GALNT3: variants seen among roughly 807,000 people sequenced by gnomAD.
GALNT3 encodes the protein polypeptide N-acetylgalactosaminyltransferase 3, also known as GalNAc transferase 3.
A neutral mutation model predicts 69.8 loss-of-function variants in GALNT3; 51 were observed. That is an observed-to-expected ratio of 0.73 (90% confidence interval 0.58 to 0.92). The LOEUF is 0.92. Ranked by LOEUF, GALNT3 falls within the 40% of genes least tolerant of loss-of-function variation. The pLI, the probability that GALNT3 is intolerant of heterozygous loss-of-function variation, is 0.00. For synonymous variants in GALNT3, 265 were observed against 248.5 expected (o/e 1.07, Z -0.63); for missense variants, 711 against 760.0 (o/e 0.94, Z 0.76).
chr2:165,781,182 G>T, intron 1 of GALNT3, among the ~76,000 whole-genome samples: 1 of 152,100 alleles, frequency 6.6e-6, no homozygotes, highest in Non-Finnish European at 1.5e-5. Context: ...AGCCTGTACT[G>T]CTGGGCTTGC....
In GALNT3 at chr2:165,753,402, CTT is replaced by C. The variant is rs533037956; in HGVS notation, c.1626+1223_1626+1224del. On this transcript the variant is annotated intron_variant, in intron 9 of 10. Coordinates refer to ENST00000392701, the MANE Select transcript of GALNT3 (RefSeq NM_004482.4). Reference sequence around the variant, plus strand: ...CAGCCACCTCACTAGCTCCTACCTACTTTTTTTTTTTTTAATGTTTTCAAATA... The same window carrying C: ...CAGCCACCTCACTAGCTCCTACCTACTTTTTTTTTTTAATGTTTTCAAATA... Among the ~76,000 whole-genome samples the C allele has an allele frequency of 1.2e-4, 18 of 145,256 alleles. No homozygotes were observed. In the East Asian group the frequency reaches 2.0e-3, roughly 16 times the overall value.
At chr2:165,780,655 G>GTT (rs1230926403) in intron 1 of GALNT3, among the ~76,000 whole-genome samples, 1 of 148,786 alleles carries the variant, frequency 6.7e-6, no homozygotes, top group African/African-American at 2.5e-5. Context: ...TTTTGTTGTT[G>GTT]TTGTTGTTGT....
intron 7 of GALNT3, among the ~76,000 whole-genome samples, chr2:165,756,258 G>A (rs1408721655): frequency 6.6e-6 from 1 of 152,088 alleles, no homozygotes; most frequent in Non-Finnish European, 1.5e-5. Flanking sequence ...CCTACAAAGA[G>A]ATGAGTACTA....
rs1334534365 is a variant in GALNT3 at position 165,770,239 on chromosome 2, T to C, written c.462A>G (p.Ala154=). ...GEAKHCFNAF[A]SDRISLHRDL... ...CTCGGTGCAAAGAAATCCTGTCACTTGCGAAAGCATTAAAGCAGTGTTTAG... is the reference window on the plus strand; with the variant it reads ...CTCGGTGCAAAGAAATCCTGTCACTCGCGAAAGCATTAAAGCAGTGTTTAG... Residue 154 remains alanine, a synonymous_variant, in exon 2 of 11, where the codon GCA becomes GCG. Transcript: ENST00000392701. The C allele has an allele frequency of 6.2e-7, 1 of 1,614,094 alleles. No homozygotes were observed.
chr2:165,771,180 A>C (rs1351742486), intron 1 of GALNT3: 1 of 152,504 alleles, frequency 6.6e-6, no homozygotes, highest in Non-Finnish European at 1.5e-5. Context: ...TACAAAAAAG[A>C]GAGCTCCATA....
intron 1 of GALNT3, among the ~76,000 whole-genome samples, chr2:165,784,257 GC>G (rs1313006703): frequency 6.6e-6 from 1 of 152,110 alleles, no homozygotes; most frequent in African/African-American, 2.4e-5. Flanking sequence ...AAAGGGAGAG[GC>G]CCTGATGAGT....
chr2:165,776,291 A>T (rs1688845156), intron 1 of GALNT3, among the ~76,000 whole-genome samples: 2 of 152,196 alleles, frequency 1.3e-5, no homozygotes, highest in African/African-American at 4.8e-5. Context: ...AATCTCTCCT[A>T]CAGTCAACTT....
chr2:165,759,299 G>C, intron 5 of GALNT3, 37 bp downstream of exon 5: 2 of 1,487,760 alleles, frequency 1.3e-6, no homozygotes, highest in Non-Finnish European at 1.9e-6. Context: ...GTATGGTATA[G>C]GGTGTAAATA....
intron 2 of GALNT3, among the ~76,000 whole-genome samples, chr2:165,766,505 A>T (rs1436417578): frequency 6.6e-6 from 1 of 152,232 alleles, no homozygotes; most frequent in African/African-American, 2.4e-5. Flanking sequence ...AGATAACCAC[A>T]GTGCCAAGCC....
chr2:165,757,319 T>G (rs1688464003), intron 6 of GALNT3, 72 bp from the exon 7 acceptor site: 1 of 1,461,628 alleles, frequency 6.8e-7, no homozygotes, highest in South Asian at 1.2e-5. Flanking sequence ...TAAGTTCACC[T>G]TTAAGGTATT....
At chr2:165,765,151 A>G in intron 2 of GALNT3, 95 bp from the exon 3 acceptor site, 1 of 1,064,462 alleles carries the variant, frequency 9.4e-7, no homozygotes, top group Non-Finnish European at 1.4e-6. Context: ...TTGAATCTTT[A>G]TCACTGAAAA....
chr2:165,768,035 A>G (rs1468699637), intron 2 of GALNT3, among the ~76,000 whole-genome samples: 2 of 151,972 alleles, frequency 1.3e-5, no homozygotes, highest in Non-Finnish European at 2.9e-5. Flanking sequence ...CACCATGCCC[A>G]CCTAATTTAT....
At chr2:165,761,779 G>A (rs1166281434) in intron 4 of GALNT3, 126 bp downstream of exon 4, 9 of 1,022,252 alleles carry the variant, frequency 8.8e-6, no homozygotes, top group Non-Finnish European at 1.4e-5. Flanking sequence ...TGCTATAATC[G>A]CCAGTTGAAA....
In GALNT3 at chr2:165,759,945, C is replaced by T. The variant is rs542938611; in HGVS notation, c.839-375G>A. 2.0e-4 allele frequency among the ~76,000 whole-genome samples: 30 copies of T among 152,084 alleles called. 1 individual carries two copies. The East Asian group carries it at 5.4e-3, about 28-fold the overall frequency. ...ACAGTCACCACGTTGTACAATAGATCTCCAGAAGGGGAGATTTTTTAAAGG... is the reference window on the plus strand; with the variant it reads ...ACAGTCACCACGTTGTACAATAGATTTCCAGAAGGGGAGATTTTTTAAAGG... On this transcript the variant is annotated intron_variant, in intron 4 of 10. Transcript: ENST00000392701.
Position 165,759,250 on chromosome 2 carries a change from G to A in GALNT3, c.1073+86C>T, listed in dbSNP as rs966946922. 11 of 1,030,292 alleles carry A rather than the reference G, an allele frequency of 1.1e-5. No homozygotes were observed. The African/African-American group carries it at 1.7e-4, about 16-fold the overall frequency. The allele number at this position is 1,030,292 out of a possible 1,614,324, so 63.8% of individuals were successfully genotyped here. On this transcript the variant is annotated intron_variant, in intron 5 of 10. Transcript: ENST00000392701. ...TGTGTTCTTTATCAATTACCTCAGA[G>A]GCAATTGCTATAAAGCAAACAGTGT...
intron 9 of GALNT3, among the ~76,000 whole-genome samples, chr2:165,751,443 A>G (rs1688356267): frequency 6.6e-6 from 1 of 152,224 alleles, no homozygotes; most frequent in African/African-American, 2.4e-5. Context: ...TTAGATGATG[A>G]AAATAGCATT....
intron 9 of GALNT3, among the ~76,000 whole-genome samples, chr2:165,754,147 T>C (rs1271897713): frequency 6.6e-6 from 1 of 151,842 alleles, no homozygotes; most frequent in Non-Finnish European, 1.5e-5. Flanking sequence ...TGGACCGCAA[T>C]TGTGTGATCT....
At chr2:165,773,635 G>T (rs1481284349) in intron 1 of GALNT3, among the ~76,000 whole-genome samples, 1 of 152,002 alleles carries the variant, frequency 6.6e-6, no homozygotes, top group Admixed American at 6.6e-5. Flanking sequence ...AAGATATATG[G>T]GACTGGAAAT....
rs1057077171 is a variant in GALNT3, at chr2:165,748,091, A to T, written c.*690T>A. 1 of 183,002 alleles carries T rather than the reference A, an allele frequency of 5.5e-6. No individual in the cohort carries two copies. The highest frequency in any genetic ancestry group is 1.2e-5 in the Non-Finnish European group (1 of 85,940). The allele number at this position is 183,002 out of a possible 1,614,324, so 11.3% of individuals were successfully genotyped here. On this transcript the variant is annotated 3_prime_UTR_variant, in exon 11 of 11. Coordinates refer to ENST00000392701, the MANE Select transcript of GALNT3 (RefSeq NM_004482.4). ...TTTTTTAAAAGTGCTTTGGGAAAAC[A>T]CACAGTATCATTACTTAAGAAAAGT...
Sources: gnomAD v4.1 joint callset for allele counts (sites outside exome capture counted in the v4.1 genomes callset) on GRCh38, gnomAD v4.1.1 for gene constraint, MANE v1.5 for transcripts, NCBI Gene and HGNC (gene_info 2026-07-23, HGNC 2026-07-21) for gene names.